The following SLC35G1 variants were observed in gnomAD, a reference collection of about 807,000 sequenced individuals.
SLC35G1 encodes the protein partner of STIM1.
Under a neutral mutation model 17.1 loss-of-function variants are expected in SLC35G1, and 10 were observed. The ratio of observed to expected loss-of-function variants is 0.59; its 90% CI spans 0.36 to 0.99. The LOEUF (loss-of-function observed/expected upper bound fraction) is 0.99. Ranked by LOEUF, SLC35G1 falls within the 50% of genes least tolerant of loss-of-function variation. The pLI, the probability that SLC35G1 is intolerant of heterozygous loss-of-function variation, is 0.01. For synonymous variants in SLC35G1, 185 were observed against 181.1 expected, an observed-to-expected ratio of 1.02 and a Z score of -0.18; for missense variants, 433 against 468.4, an observed-to-expected ratio of 0.92 and a Z score of 0.70.
intron 1 of SLC35G1, among the ~76,000 whole-genome samples, chr10:93,897,952 T>A (rs1219493637): frequency 6.6e-6 from 1 of 152,214 alleles, no homozygotes; most frequent in Non-Finnish European, 1.5e-5. Context: ...CTTCCCAGAT[T>A]ATGCTGTTGC....
rs543563220 is a variant in SLC35G1 at position 93,893,978 on chromosome 10, A to G, written c.-56A>G. On this transcript the variant is annotated 5_prime_UTR_variant, in exon 1 of 3. Coordinates refer to ENST00000427197, the MANE Select transcript of SLC35G1 (RefSeq NM_001134658.3). ...TCGCCCGCCGGAAGAGCGGCAGCCC[A>G]GGCGCTGCTGCTGGCGCCAGACGGC... 7.7e-6 allele frequency: 10 copies of G among 1,299,938 alleles called. No homozygotes were observed. The African/African-American group carries it at 1.1e-4, about 14-fold the overall frequency. The allele number at this position is 1,299,938 out of a possible 1,614,324, so 80.5% of individuals were successfully genotyped here.
Position 93,899,183 on chromosome 10 carries a change from G to T in SLC35G1, c.359+432G>T, listed in dbSNP as rs781065229. On this transcript the variant is annotated intron_variant, in intron 2 of 2. Coordinates refer to ENST00000427197, the MANE Select transcript of SLC35G1 (RefSeq NM_001134658.3). ...AGAAGATTATAGTAATAATATTTAG[G>T]TATTCCTCAAAAGGTGATGGGGTAA... 2.5e-4 allele frequency among the ~76,000 whole-genome samples: 38 copies of T among 152,230 alleles called. No individual in the cohort carries two copies. In the Middle Eastern group the frequency reaches 0.01, roughly 41 times the overall value.
rs201479419 is a variant in SLC35G1 at position 93,900,835 on chromosome 10, A to T, written c.443A>T (p.Tyr148Phe). The change falls in exon 3 of 3, where the codon TAC (tyrosine) becomes TTC (phenylalanine). Residue 148 changes from tyrosine (Y) to phenylalanine (F), a missense_variant. Physicochemically the swap from Tyr to Phe is conservative, Grantham distance 22. Coordinates refer to ENST00000427197, the MANE Select transcript of SLC35G1 (RefSeq NM_001134658.3). Reference protein sequence around the residue: ...VLGSTAMMLIYYAYQTMSLAD... With the variant: ...VLGSTAMMLIFYAYQTMSLAD... Reference sequence around the variant, plus strand: ...GGTTCTACCGCCATGATGCTTATATACTATGCTTACCAGACAATGTCCCTC... The same window carrying T: ...GGTTCTACCGCCATGATGCTTATATTCTATGCTTACCAGACAATGTCCCTC... The T allele has an allele frequency of 1.3e-4, 216 of 1,614,068 alleles. No homozygotes were observed. The highest frequency in any genetic ancestry group is 1.8e-4 in the Non-Finnish European group (211 of 1,179,952).
rs2060377429 is a variant in SLC35G1, at chr10:93,900,938, T to C, written c.546T>C (p.Tyr182=). The change falls in exon 3 of 3, where the codon TAT becomes TAC. Residue 182 remains tyrosine, a synonymous_variant. Transcript: ENST00000427197. ...CTTGGATATGTCTCAAGGAAAAATA[T>C]AGCCCTTGGGATGCTCTTTTCACCG... is the stretch of plus-strand genomic sequence containing the variant. The part of the protein sequence containing the change: ...IFAWICLKEK[Y]SPWDALFTVF... The C allele has an allele frequency of 6.2e-6, 10 of 1,614,076 alleles. No homozygotes were observed. The highest frequency in any genetic ancestry group is 3.3e-5 in the South Asian group (3 of 91,076).
In SLC35G1 at chr10:93,894,095, A is replaced by C. The variant is rs2060304023; in HGVS notation, c.62A>C (p.Asp21Ala). 6.7e-7 allele frequency: 1 copy of C among 1,486,950 alleles called. No individual in the cohort carries two copies. Among genetic ancestry groups the C allele is most frequent in the South Asian group, 1.3e-5 (1 of 79,398 alleles). The allele number at this position is 1,486,950 out of a possible 1,614,324, so 92.1% of individuals were successfully genotyped here. ...ELQEPGLPLTDDAPPGATEEP... is the reference protein window; with the variant it reads ...ELQEPGLPLTADAPPGATEEP... Reference sequence around the variant, plus strand: ...CAGGAGCCCGGGCTGCCGCTAACGGACGATGCACCCCCGGGCGCCACTGAG... The same window carrying C: ...CAGGAGCCCGGGCTGCCGCTAACGGCCGATGCACCCCCGGGCGCCACTGAG... The change falls in exon 1 of 3, where the codon GAC becomes GCC. Residue 21 changes from aspartate to alanine, a missense_variant. Coordinates refer to ENST00000427197, the MANE Select transcript of SLC35G1 (RefSeq NM_001134658.3).
At chr10:93,897,062 C>T (rs1294864625) in intron 1 of SLC35G1, among the ~76,000 whole-genome samples, 1 of 152,118 alleles carries the variant, frequency 6.6e-6, no homozygotes, top group Non-Finnish European at 1.5e-5. Flanking sequence ...TCGTGGGCTG[C>T]GTGTGTGCAG....
chr10:93,905,852 T>C (rs1327929480), downstream of SLC35G1, among the ~76,000 whole-genome samples: 1 of 152,004 alleles, frequency 6.6e-6, no homozygotes, highest in Non-Finnish European at 1.5e-5. Flanking sequence ...TATAAAACCA[T>C]AGTTGAGCAG....
chr10:93,903,178 C>A lies in SLC35G1; in HGVS notation c.*1688C>A, dbSNP rs1245597563. 1 of 152,130 alleles carries A rather than the reference C, an allele frequency of 6.6e-6. No homozygotes were observed. The highest frequency in any genetic ancestry group is 1.5e-5 in the Non-Finnish European group (1 of 68,016). The allele number at this position is 152,130 out of a possible 1,614,324, so 9.4% of individuals were successfully genotyped here. On this transcript the variant is annotated 3_prime_UTR_variant, in exon 3 of 3. Transcript: ENST00000427197. ...GCTGATTTTATCAATTGCCTTGACA[C>A]CTGACAAACCCTAAATGAAGTCTAT... is the stretch of plus-strand genomic sequence containing the variant.
In SLC35G1 at chr10:93,894,142, G is replaced by C. The variant is rs1424089191; in HGVS notation, c.109G>C (p.Ala37Pro). ...TGAGGAGCCGGCGGCCGCCGAGGCA[G>C]CTGGGGCGCCAGACCGCGGTAGGTG... ...ATEEPAAAEA[A>P]GAPDRGRCWL... Residue 37 changes from alanine (A) to proline (P), a missense_variant, in exon 1 of 3, where the codon GCT (alanine) becomes CCT (proline). By Grantham distance (27) the Ala-to-Pro change is conservative (BLOSUM62 -1). Coordinates refer to ENST00000427197, the MANE Select transcript of SLC35G1 (RefSeq NM_001134658.3). The C allele has an allele frequency of 8.1e-6, 12 of 1,483,932 alleles. No individual in the cohort carries two copies. In the East Asian group the frequency reaches 2.9e-4, roughly 36 times the overall value. 91.9% of individuals were successfully genotyped at this position (1,483,932 alleles called of 1,614,324 possible).
Position 93,899,092 on chromosome 10 carries a change from G to T in SLC35G1, c.359+341G>T, listed in dbSNP as rs549118542. Among the ~76,000 whole-genome samples, 12 of 152,326 alleles carry T rather than the reference G, an allele frequency of 7.9e-5. No individual in the cohort carries two copies. The East Asian group carries it at 1.7e-3, about 22-fold the overall frequency. On this transcript the variant is annotated intron_variant, in intron 2 of 2. Coordinates refer to ENST00000427197, the MANE Select transcript of SLC35G1 (RefSeq NM_001134658.3). ...TGGAAGTTAAAAAAATGAATGAAAAGAAGTAATAGTGTATCCTAGTATCAG... is the reference window on the plus strand; with the variant it reads ...TGGAAGTTAAAAAAATGAATGAAAATAAGTAATAGTGTATCCTAGTATCAG...
chr10:93,899,886 T>G (rs1007655865), intron 2 of SLC35G1, among the ~76,000 whole-genome samples: 2 of 152,228 alleles, frequency 1.3e-5, no homozygotes, highest in South Asian at 4.1e-4. Context: ...GGTCCTCATC[T>G]GTTTTGACCC....
At chr10:93,908,293 T>A (rs1471699636), downstream of SLC35G1, 1 of 152,238 alleles carries the variant, frequency 6.6e-6, no homozygotes, top group Non-Finnish European at 1.5e-5. Context: ...GATAGACTGA[T>A]TGGGAACTGA....
At chr10:93,894,249 G>C in intron 1 of SLC35G1, 38 bp downstream of exon 1, 1 of 1,305,286 alleles carries the variant, frequency 7.7e-7, no homozygotes, top group Non-Finnish European at 9.7e-7. Context: ...GGTCTCGCTC[G>C]GGGGTCCCGA....
downstream of SLC35G1, among the ~76,000 whole-genome samples, chr10:93,905,857 G>A (rs2060425440): frequency 6.6e-6 from 1 of 152,138 alleles, no homozygotes; most frequent in Non-Finnish European, 1.5e-5. Flanking sequence ...AACCATAGTT[G>A]AGCAGAAGTA....
In SLC35G1 at chr10:93,901,020, G is replaced by A. The variant is rs143598242; in HGVS notation, c.628G>A (p.Asp210Asn). Residue 210 changes from aspartate (D) to asparagine (N), a missense_variant, in exon 3 of 3, where the codon GAC becomes AAC. Physicochemically the swap from Asp to Asn is conservative, Grantham distance 23 (BLOSUM62 1). Coordinates refer to ENST00000427197, the MANE Select transcript of SLC35G1 (RefSeq NM_001134658.3). ...GAGACCACCATTTTTGTTTGGTTCC[G>A]ACACTTCGGGGATGGAAGAAAGCTA... ...IVRPPFLFGS[D>N]TSGMEESYSG... The A allele has an allele frequency of 1.1e-5, 17 of 1,613,918 alleles. No individual in the cohort carries two copies. Among genetic ancestry groups the A allele is most frequent in the African/African-American group, 9.3e-5 (7 of 74,900 alleles).
chr10:93,899,432 A>G (rs989946124), intron 2 of SLC35G1, among the ~76,000 whole-genome samples: 1 of 151,624 alleles, frequency 6.6e-6, no homozygotes, highest in East Asian at 1.9e-4. Context: ...TGAACTCCCT[A>G]CCCTCCCTGG....
chr10:93,894,250 GGGGTCCCGAGCGGGCGCCGGC>G (rs2060307631), intron 1 of SLC35G1, 39 bp downstream of exon 1: 2 of 1,305,010 alleles, frequency 1.5e-6, no homozygotes, highest in Non-Finnish European at 1.9e-6. Flanking sequence ...GTCTCGCTCG[GGGGTCCCGAGCGGGCGCCGGC>G]GGGTTGGGGT....
At chr10:93,898,156 A>G (rs2060348203) in intron 1 of SLC35G1, among the ~76,000 whole-genome samples, 1 of 152,226 alleles carries the variant, frequency 6.6e-6, no homozygotes, top group Non-Finnish European at 1.5e-5. Context: ...CCCATTTTCC[A>G]GAAAAGAACA....
At chr10:93,897,668 A>G (rs2060344130) in intron 1 of SLC35G1, among the ~76,000 whole-genome samples, 5 of 152,256 alleles carry the variant, frequency 3.3e-5, no homozygotes. Flanking sequence ...AAACTAAGAC[A>G]TAGTAAGTGG....
Sources: gnomAD v4.1 joint callset for allele counts (sites outside exome capture counted in the v4.1 genomes callset) on GRCh38, gnomAD v4.1.1 for gene constraint, MANE v1.5 for transcripts, NCBI Gene and HGNC (gene_info 2026-07-23, HGNC 2026-07-21) for gene names.